NTM: variants seen among roughly 807,000 people sequenced by gnomAD.
NTM encodes the protein neurotrimin.
NTM carries 13 observed loss-of-function variants against 42.1 expected under a neutral mutation model. That is an observed-to-expected ratio of 0.31 (90% confidence interval 0.20 to 0.49). The LOEUF is 0.49. Among genes scored for constraint, NTM ranks in the 20% least tolerant of loss-of-function variants. The pLI is 0.99. For missense variants in NTM, 373 were observed against 452.8 expected, an observed-to-expected ratio of 0.82 and a Z score of 1.60; for synonymous variants, 187 against 179.2, an observed-to-expected ratio of 1.04 and a Z score of -0.35.
At chr11:131,612,048 G>T (rs1379476969) in intron 1 of NTM, among the ~76,000 whole-genome samples, 1 of 152,190 alleles carries the variant, frequency 6.6e-6, no homozygotes, top group East Asian at 1.9e-4. Flanking sequence ...GTCATAGACA[G>T]TATTATCACA....
intron 3 of NTM, among the ~76,000 whole-genome samples, chr11:132,196,130 C>T (rs1435423932): frequency 2.0e-5 from 3 of 151,892 alleles, no homozygotes; most frequent in African/African-American, 4.8e-5. Context: ...AAAAAATAGG[C>T]GAAGGACATG....
chr11:131,795,539 C>T (rs1418824254), intron 1 of NTM: 2 of 985,304 alleles, frequency 2.0e-6, no homozygotes, highest in African/African-American at 1.7e-5. Flanking sequence ...CCAGACACTG[C>T]TCTGTCAGGA....
At chr11:131,378,203 A>T (rs1236614905) in intron 1 of NTM, among the ~76,000 whole-genome samples, 1 of 152,228 alleles carries the variant, frequency 6.6e-6, no homozygotes, top group Non-Finnish European at 1.5e-5. Flanking sequence ...CAGGTTGAAA[A>T]GTGTACCTCT....
intron 2 of NTM, among the ~76,000 whole-genome samples, chr11:132,032,104 A>T (rs570000475): frequency 7.2e-5 from 11 of 152,274 alleles, no homozygotes; most frequent in Non-Finnish European, 1.5e-4. Flanking sequence ...AGTGGACTCT[A>T]TGCTGCTGAC....
chr11:131,967,684 G>A (rs915485944), intron 2 of NTM, among the ~76,000 whole-genome samples: 3 of 152,202 alleles, frequency 2.0e-5, no homozygotes, highest in Non-Finnish European at 4.4e-5. Context: ...AGCCTGAAAC[G>A]AAGGTTTTTG....
At chr11:132,125,030 G>C (rs897706523) in intron 2 of NTM, among the ~76,000 whole-genome samples, 7 of 152,066 alleles carry the variant, frequency 4.6e-5, no homozygotes, top group African/African-American at 1.7e-4. Context: ...CTACAGGTGG[G>C]CCTGATTTGC....
intron 3 of NTM, among the ~76,000 whole-genome samples, chr11:132,179,183 T>C (rs1468288250): frequency 6.6e-6 from 1 of 152,002 alleles, no homozygotes; most frequent in Non-Finnish European, 1.5e-5. Flanking sequence ...AAAAAGAGGA[T>C]CAAAACCAAA....
chr11:132,290,860 G>C (rs2094433872), intron 4 of NTM, among the ~76,000 whole-genome samples: 1 of 152,186 alleles, frequency 6.6e-6, no homozygotes, highest in African/African-American at 2.4e-5. Flanking sequence ...GCTGTAACCT[G>C]AAAGAAAGAA....
intron 2 of NTM, among the ~76,000 whole-genome samples, chr11:132,011,580 A>T (rs753345990): frequency 2.0e-5 from 3 of 152,180 alleles, no homozygotes; most frequent in African/African-American, 7.2e-5. Context: ...CTTACTGTGT[A>T]CCTGACCTTT....
intron 7 of NTM, among the ~76,000 whole-genome samples, chr11:132,318,725 G>C (rs1292307697): frequency 6.6e-6 from 1 of 152,156 alleles, no homozygotes; most frequent in East Asian, 1.9e-4. Flanking sequence ...AAGCCAGGGA[G>C]GGGAATGCTT....
intron 1 of NTM, among the ~76,000 whole-genome samples, chr11:131,586,611 G>T (rs1373429848): frequency 2.0e-5 from 3 of 152,168 alleles, no homozygotes; most frequent in Non-Finnish European, 4.4e-5. Context: ...GGAACCCTGA[G>T]CCAGAGGTAC....
chr11:132,296,658 C>T (rs2140069516), intron 4 of NTM, among the ~76,000 whole-genome samples: 1 of 152,234 alleles, frequency 6.6e-6, no homozygotes, highest in Non-Finnish European at 1.5e-5. Flanking sequence ...TACCCAAGAC[C>T]CAGGTGTGTG....
At chr11:131,729,349 T>C (rs905664293) in intron 1 of NTM, among the ~76,000 whole-genome samples, 3 of 152,218 alleles carry the variant, frequency 2.0e-5, no homozygotes, top group African/African-American at 7.2e-5. Context: ...TATTGTGGAC[T>C]GCTAATGAAG....
At chr11:132,269,165 G>A (rs957093785) in intron 4 of NTM, among the ~76,000 whole-genome samples, 7 of 152,172 alleles carry the variant, frequency 4.6e-5, no homozygotes, top group Admixed American at 6.5e-5. Context: ...CAGGGAAGCC[G>A]AGGACATACA....
chr11:131,711,189 A>G (rs2077087489), intron 1 of NTM, among the ~76,000 whole-genome samples: 1 of 152,242 alleles, frequency 6.6e-6, no homozygotes, highest in Non-Finnish European at 1.5e-5. Context: ...CAGAGTGAAC[A>G]GGCAACCTAC....
chr11:131,932,355 TA>T (rs1412776052), intron 2 of NTM, among the ~76,000 whole-genome samples: 1 of 152,218 alleles, frequency 6.6e-6, no homozygotes, highest in Non-Finnish European at 1.5e-5. Flanking sequence ...CGGTATAGTT[TA>T]AATTGTCAAC....
rs1555101753 is a variant in NTM at position 131,401,820 on chromosome 11, A to ATATATATGTG, written c.82+30939_82+30940insGTGTATATAT. 6.7e-3 allele frequency among the ~76,000 whole-genome samples: 335 copies of ATATATATGTG among 49,908 alleles called. 28 individuals carry two copies. The highest frequency in any genetic ancestry group is 0.02 in the African/African-American group (224 of 11,030). The allele number at this position is 49,908 out of a possible 152,430, so 32.7% of individuals were successfully genotyped here. A position where few individuals can be genotyped will look rare whatever the true frequency, so the allele number is the denominator to read the frequency against. On this transcript the variant is annotated intron_variant, in intron 1 of 8. Coordinates refer to ENST00000683400, the MANE Select transcript of NTM (RefSeq NM_001352005.2). ...TGGAAATATATATATATATATATATATATATATATATATATATATATATAT... is the reference window on the plus strand; with the variant it reads ...TGGAAATATATATATATATATATATATATATATGTGTATATATATATATATATATATATAT...
At chr11:132,316,858 G>C (rs531848270) in intron 7 of NTM, among the ~76,000 whole-genome samples, 45 of 152,290 alleles carry the variant, frequency 3.0e-4, no homozygotes, top group African/African-American at 1.0e-3. Flanking sequence ...GAATTTGTTT[G>C]TTTGTTAGGG....
chr11:131,507,036 C>T (rs924210188), intron 1 of NTM, among the ~76,000 whole-genome samples: 4 of 152,138 alleles, frequency 2.6e-5, no homozygotes, highest in African/African-American at 7.2e-5. Flanking sequence ...TGTGAAGCCA[C>T]GTCCCTTATA....
Sources: allele counts gnomAD v4.1 joint callset (sites outside exome capture counted in the v4.1 genomes callset), GRCh38; gene constraint gnomAD v4.1.1; transcripts MANE v1.5; gene names NCBI Gene and HGNC (gene_info 2026-07-23, HGNC 2026-07-21).